Variants in GDAP2 observed in about 807,000 individuals in gnomAD.
GDAP2 encodes the protein ganglioside induced differentiation associated protein 2.
Under a neutral mutation model 67.0 loss-of-function variants are expected in GDAP2, and 51 were observed. That is an observed-to-expected ratio of 0.76 (90% CI 0.61 to 0.96). GDAP2 has a LOEUF of 0.96. GDAP2 is among the 40% of genes least tolerant of loss of function. The pLI is 0.00. For synonymous variants in GDAP2, 203 were observed against 207.3 expected (o/e 0.98, Z 0.18); for missense variants, 547 against 588.3 (o/e 0.93, Z 0.73).
At chr1:117,920,544 C>T (rs1316245741) in intron 1 of GDAP2, 120 bp from the exon 2 acceptor site, 3 of 398,010 alleles carry the variant, frequency 7.5e-6, no homozygotes, top group Non-Finnish European at 1.4e-5. Context: ...GTGATTATAG[C>T]CACTTAAAAA....
intron 7 of GDAP2, among the ~76,000 whole-genome samples, chr1:117,898,210 C>T (rs1649327432): frequency 6.6e-6 from 1 of 152,156 alleles, no homozygotes. Flanking sequence ...TAGTCACAGG[C>T]ATGAGGATTT....
intron 9 of GDAP2, 46 bp from the exon 10 acceptor site, chr1:117,886,699 A>C (rs761830733): frequency 1.1e-6 from 1 of 942,142 alleles, no homozygotes; most frequent in Non-Finnish European, 1.8e-6. Context: ...TCATTCCAAG[A>C]ATACTATTTG....
At chr1:117,884,813 CGT>C (rs35296112) in intron 10 of GDAP2, among the ~76,000 whole-genome samples, 383 of 147,632 alleles carry the variant, frequency 2.6e-3, no homozygotes, top group African/African-American at 4.6e-3. Flanking sequence ...TTATTCCCTC[CGT>C]GTGTGTGTGT....
chr1:117,929,457 G>A lies in GDAP2; in HGVS notation c.-77C>T, dbSNP rs149186084. The A allele has an allele frequency of 2.2e-3, 330 of 152,660 alleles. No individual in the cohort carries two copies. The highest frequency in any genetic ancestry group is 0.013 in the Middle Eastern group (4 of 300). The allele number at this position is 152,660 out of a possible 1,614,324, so 9.5% of individuals were successfully genotyped here. On this transcript the variant is annotated 5_prime_UTR_variant, in exon 1 of 14. Coordinates refer to ENST00000369443, the MANE Select transcript of GDAP2 (RefSeq NM_017686.4). The stretch of plus-strand genomic sequence containing the variant: ...CAGTCCCTCCTCTCACAGCACTCTG[G>A]TGGTCCCATCCGGGCGGCGGGCGGC...
intron 8 of GDAP2, among the ~76,000 whole-genome samples, chr1:117,893,535 C>G (rs916716861): frequency 2.0e-5 from 3 of 152,156 alleles, no homozygotes; most frequent in Admixed American, 1.3e-4. Context: ...TATTTACTAA[C>G]TAAAAACCTA....
chr1:117,870,619 G>A lies in GDAP2; in HGVS notation c.1447-3C>T. ...GATGTATAGTAAGGCCCGTTTTCCTGTGGAAAGAAAAAAGGAGAAGAACAT... is the reference window on the plus strand; with the variant it reads ...GATGTATAGTAAGGCCCGTTTTCCTATGGAAAGAAAAAAGGAGAAGAACAT... On this transcript the variant is annotated splice_polypyrimidine_tract_variant and splice_region_variant and intron_variant, in intron 13 of 13. Transcript: ENST00000369443. 1 of 1,589,936 alleles carries A rather than the reference G, an allele frequency of 6.3e-7. No individual in the cohort carries two copies. The highest frequency in any genetic ancestry group is 2.2e-5 in the East Asian group (1 of 44,748).
At chr1:117,911,867 C>T (rs980235104) in intron 5 of GDAP2, 127 bp downstream of exon 5, 16 of 590,752 alleles carry the variant, frequency 2.7e-5, no homozygotes, top group Non-Finnish European at 6.2e-6. Flanking sequence ...CCTTAAACTT[C>T]TGTCCTCAAG....
intron 13 of GDAP2, among the ~76,000 whole-genome samples, chr1:117,875,684 C>T (rs1408021622): frequency 6.6e-6 from 1 of 152,186 alleles, no homozygotes; most frequent in Non-Finnish European, 1.5e-5. Flanking sequence ...GGAGCCCACC[C>T]CTTGTACCAG....
intron 1 of GDAP2, among the ~76,000 whole-genome samples, chr1:117,927,609 C>T (rs564174649): frequency 6.6e-6 from 1 of 152,174 alleles, no homozygotes; most frequent in South Asian, 2.1e-4. Flanking sequence ...GTGTGCATAC[C>T]ATACTTAAGA....
intron 12 of GDAP2, 83 bp from the exon 13 acceptor site, chr1:117,878,235 T>TA (rs1648531856): frequency 1.5e-6 from 1 of 647,154 alleles, no homozygotes; most frequent in Admixed American, 3.1e-5. Context: ...TTATAGTAGA[T>TA]AAAAACTATA....
At chr1:117,877,836 CT>C in intron 13 of GDAP2, 172 bp downstream of exon 13, 1 of 1,261,706 alleles carries the variant, frequency 7.9e-7, no homozygotes, top group Non-Finnish European at 1.0e-6. Flanking sequence ...GGGACAAATC[CT>C]TTTCCTAAAG....
In GDAP2 at chr1:117,868,333, T is replaced by C. The variant is rs557576150; in HGVS notation, c.*2236A>G. On this transcript the variant is annotated 3_prime_UTR_variant, in exon 14 of 14. Transcript: ENST00000369443. Reference sequence around the variant, plus strand: ...GGTCCTTATCTTTCTTTAGTCATCATTGAATTATAAAACACAGTTGATATG... The same window carrying C: ...GGTCCTTATCTTTCTTTAGTCATCACTGAATTATAAAACACAGTTGATATG... 4.6e-5 allele frequency: 7 copies of C among 152,322 alleles called. No homozygotes were observed. The highest frequency in any genetic ancestry group is 3.3e-4 in the Admixed American group (5 of 15,302). 9.4% of individuals were successfully genotyped at this position (152,322 alleles called of 1,614,324 possible).
At chr1:117,912,822 T>C (rs1286873270) in intron 3 of GDAP2, 139 bp from the exon 4 acceptor site, 3 of 694,412 alleles carry the variant, frequency 4.3e-6, no homozygotes, top group Non-Finnish European at 7.4e-6. Flanking sequence ...CAAGCATTTA[T>C]CTCTGTTACT....
chr1:117,929,010 G>A (rs949356768), intron 1 of GDAP2, among the ~76,000 whole-genome samples: 2 of 152,090 alleles, frequency 1.3e-5, no homozygotes, highest in African/African-American at 2.4e-5. Flanking sequence ...CAGGGATTGC[G>A]GGAACCTAGA....
intron 12 of GDAP2, among the ~76,000 whole-genome samples, chr1:117,881,363 G>A (rs1425873538): frequency 6.6e-6 from 1 of 152,060 alleles, no homozygotes; most frequent in East Asian, 1.9e-4. Flanking sequence ...CATGTATAAG[G>A]AAGAAAATTA....
chr1:117,876,644 T>C (rs1648466240), intron 13 of GDAP2, among the ~76,000 whole-genome samples: 1 of 152,202 alleles, frequency 6.6e-6, no homozygotes, highest in South Asian at 2.1e-4. Context: ...ATTATGCTTG[T>C]ATTTATACAA....
At chr1:117,926,415 G>A (rs1275338578) in intron 1 of GDAP2, among the ~76,000 whole-genome samples, 2 of 152,164 alleles carry the variant, frequency 1.3e-5, no homozygotes, top group Non-Finnish European at 2.9e-5. Context: ...AAGTAATTGT[G>A]ACCCACAAGA....
rs550647763 is a variant in GDAP2, at chr1:117,912,745, T to C, written c.317-62A>G. The C allele has an allele frequency of 3.4e-5, 46 of 1,369,966 alleles. No individual in the cohort carries two copies. In the African/African-American group the frequency reaches 4.7e-4, roughly 14 times the overall value. 84.9% of individuals were successfully genotyped at this position (1,369,966 alleles called of 1,614,324 possible). ...TTAGGAAAACAGAAACAAAAACAAA[T>C]GAAAGCATGAAACAGAGAAAGTATT... On this transcript the variant is annotated intron_variant, in intron 3 of 13. Coordinates refer to ENST00000369443, the MANE Select transcript of GDAP2 (RefSeq NM_017686.4).
rs984352584 is a variant in GDAP2 at position 117,869,097 on chromosome 1, C to T, written c.*1472G>A. 2.6e-5 allele frequency: 4 copies of T among 151,798 alleles called. No homozygotes were observed. Among genetic ancestry groups the T allele is most frequent in the Admixed American group, 1.3e-4 (2 of 15,236 alleles). The allele number at this position is 151,798 out of a possible 1,614,324, so 9.4% of individuals were successfully genotyped here. On this transcript the variant is annotated 3_prime_UTR_variant, in exon 14 of 14. Transcript: ENST00000369443. The stretch of plus-strand genomic sequence containing the variant: ...GACCCTTGGAAGCACTGATCTGGAG[C>T]ACATGATAGAACAGAAAGGTTCTGC...
Sources: allele counts gnomAD v4.1 joint callset (sites outside exome capture counted in the v4.1 genomes callset), GRCh38; gene constraint gnomAD v4.1.1; transcripts MANE v1.5; gene names NCBI Gene and HGNC (gene_info 2026-07-23, HGNC 2026-07-21).